The following OSBPL1A variants were observed in gnomAD, a reference collection of about 807,000 sequenced individuals.
OSBPL1A encodes oxysterol binding protein like 1A.
OSBPL1A carries 80 observed loss-of-function variants against 137.1 expected under a neutral mutation model. The ratio of observed to expected loss-of-function variants is 0.58; its 90% confidence interval spans 0.49 to 0.70. The LOEUF (loss-of-function observed/expected upper bound fraction) is 0.70. OSBPL1A is among the 30% of genes least tolerant of loss of function. The pLI is 0.00. For missense variants in OSBPL1A, 970 were observed against 1,129.4 expected (o/e 0.86, Z 2.02); for synonymous variants, 365 against 389.7 (o/e 0.94, Z 0.75).
At position 24,322,175 on chromosome 18, in the gene OSBPL1A, T is replaced by C. The variant is rs558350367; in HGVS notation, c.626-3366A>G. ...CCCAGGCTGGAGTGCAGTGGCACCA[T>C]CTCAGCTCACTGCAAGCTCTGCCTC... On this transcript the variant is annotated intron_variant, in intron 7 of 27. Coordinates refer to ENST00000319481, the MANE Select transcript of OSBPL1A (RefSeq NM_080597.4). Among the ~76,000 whole-genome samples, 4 of 147,100 alleles carry C rather than the reference T, an allele frequency of 2.7e-5. No individual in the cohort carries two copies. The South Asian group carries it at 9.2e-4, about 34-fold the overall frequency.
chr18:24,265,892 T>C (rs1439254548), intron 15 of OSBPL1A, among the ~76,000 whole-genome samples: 1 of 152,200 alleles, frequency 6.6e-6, no homozygotes, highest in Non-Finnish European at 1.5e-5. Context: ...CTGCTTCCCA[T>C]CGGGGTTTCT....
intron 18 of OSBPL1A, among the ~76,000 whole-genome samples, chr18:24,192,040 T>C (rs1403552009): frequency 6.6e-6 from 1 of 152,220 alleles, no homozygotes; most frequent in African/African-American, 2.4e-5. Flanking sequence ...TCACTTTAAG[T>C]AGTCGGTATT....
chr18:24,377,926 A>G (rs1906317267), intron 1 of OSBPL1A, among the ~76,000 whole-genome samples: 1 of 152,234 alleles, frequency 6.6e-6, no homozygotes, highest in Non-Finnish European at 1.5e-5. Context: ...AGATAAAGTC[A>G]AAGTATGACT....
At chr18:24,375,309 T>C (rs1906013323) in intron 2 of OSBPL1A, among the ~76,000 whole-genome samples, 1 of 69,214 alleles carries the variant, frequency 1.4e-5, no homozygotes. Context: ...AACAAAACCC[T>C]GTCTCAAAAA....
chr18:24,324,952 A>G (rs1297627979), intron 7 of OSBPL1A, among the ~76,000 whole-genome samples: 1 of 150,696 alleles, frequency 6.6e-6, no homozygotes. Flanking sequence ...TGGGCATGGT[A>G]GCGCGCACCT....
chr18:24,375,925 C>G (rs1906082360), intron 2 of OSBPL1A, among the ~76,000 whole-genome samples: 2 of 152,128 alleles, frequency 1.3e-5, no homozygotes, highest in African/African-American at 4.8e-5. Flanking sequence ...TGTTACAGCT[C>G]TTAAGGCGGC....
intron 1 of OSBPL1A, among the ~76,000 whole-genome samples, chr18:24,384,615 A>G (rs1029102505): frequency 7.2e-5 from 11 of 152,010 alleles, no homozygotes; most frequent in African/African-American, 2.7e-4. Flanking sequence ...CATGCCTGTC[A>G]TCCCAGCACT....
intron 15 of OSBPL1A, among the ~76,000 whole-genome samples, chr18:24,239,633 T>A (rs1278477057): frequency 6.6e-6 from 1 of 152,194 alleles, no homozygotes; most frequent in African/African-American, 2.4e-5. Context: ...TCAGCTCAAA[T>A]GATCAGGATC....
chr18:24,223,337 C>T (rs1406581488), intron 17 of OSBPL1A, among the ~76,000 whole-genome samples: 1 of 152,094 alleles, frequency 6.6e-6, no homozygotes, highest in Non-Finnish European at 1.5e-5. Context: ...TTTTAAAAAA[C>T]TCCTGTGAAA....
chr18:24,243,834 T>C (rs2088797554), intron 15 of OSBPL1A, among the ~76,000 whole-genome samples: 1 of 152,228 alleles, frequency 6.6e-6, no homozygotes, highest in Admixed American at 6.5e-5. Flanking sequence ...AGCCACAAAA[T>C]GGCAATTTCT....
At chr18:24,332,457 G>C (rs1156888550) in intron 7 of OSBPL1A, among the ~76,000 whole-genome samples, 1 of 145,568 alleles carries the variant, frequency 6.9e-6, no homozygotes, top group Admixed American at 6.9e-5. Context: ...ATGTACCTCA[G>C]TGGAAAAGGC....
At chr18:24,395,559 AT>A (rs1349192049) in intron 1 of OSBPL1A, among the ~76,000 whole-genome samples, 2 of 152,142 alleles carry the variant, frequency 1.3e-5, no homozygotes, top group African/African-American at 4.8e-5. Flanking sequence ...CTTCAACCTA[AT>A]TGTCGGTTCT....
intron 7 of OSBPL1A, among the ~76,000 whole-genome samples, chr18:24,326,828 A>G (rs2090989405): frequency 1.3e-5 from 2 of 152,240 alleles, no homozygotes; most frequent in South Asian, 4.1e-4. Flanking sequence ...ATGAAACATT[A>G]ACAACTAAAA....
chr18:24,234,507 A>G (rs1009602562), intron 16 of OSBPL1A, among the ~76,000 whole-genome samples: 2 of 151,466 alleles, frequency 1.3e-5, no homozygotes, highest in Admixed American at 1.3e-4. Flanking sequence ...TGGAAAAATA[A>G]TTTTCTCAAG....
chr18:24,384,419 C>G (rs1906801667), intron 1 of OSBPL1A, among the ~76,000 whole-genome samples: 1 of 152,052 alleles, frequency 6.6e-6, no homozygotes, highest in South Asian at 2.1e-4. Flanking sequence ...ACTAAAAATA[C>G]AAAAATTAGC....
intron 16 of OSBPL1A, among the ~76,000 whole-genome samples, chr18:24,235,755 C>G (rs1009019508): frequency 6.6e-6 from 1 of 152,184 alleles, no homozygotes; most frequent in African/African-American, 2.4e-5. Flanking sequence ...GGGACTGTGG[C>G]AGTCAGCACA....
chr18:24,362,263 G>A (rs1297123075), intron 4 of OSBPL1A, among the ~76,000 whole-genome samples: 1 of 152,108 alleles, frequency 6.6e-6, no homozygotes, highest in Non-Finnish European at 1.5e-5. Context: ...ACAGCAAGTA[G>A]TTCACGTAGT....
intron 14 of OSBPL1A, among the ~76,000 whole-genome samples, chr18:24,294,256 G>A (rs2146091320): frequency 6.6e-6 from 1 of 151,786 alleles, no homozygotes; most frequent in East Asian, 1.9e-4. Context: ...TATTGAGATG[G>A]AGTCTTGCTC....
intron 7 of OSBPL1A, among the ~76,000 whole-genome samples, chr18:24,322,200 C>T (rs1298810990): frequency 6.6e-6 from 1 of 150,616 alleles, no homozygotes; most frequent in South Asian, 2.1e-4. Flanking sequence ...AGCTCTGCCT[C>T]CCGGGTTCAT....
Sources: allele counts gnomAD v4.1 joint callset (sites outside exome capture counted in the v4.1 genomes callset), GRCh38; gene constraint gnomAD v4.1.1; transcripts MANE v1.5; gene names NCBI Gene and HGNC (gene_info 2026-07-23, HGNC 2026-07-21).